SARNP: variants seen among roughly 807,000 people sequenced by gnomAD.
SARNP encodes SAP domain containing ribonucleoprotein, also known as SAP domain-containing ribonucleoprotein.
In SARNP, 5 loss-of-function variants were observed where a neutral mutation model predicts 38.1. The ratio of observed to expected loss-of-function variants is 0.13; its 90% CI spans 0.07 to 0.28. The LOEUF is 0.28. Ranked by LOEUF, SARNP falls within the 10% of genes least tolerant of loss-of-function variation. The probability of loss-of-function intolerance (pLI) is 1.00; values close to 1 mark genes in which losing one functional copy is unlikely to be tolerated. For synonymous variants in SARNP, 84 were observed against 80.6 expected (o/e 1.04, Z -0.23); for missense variants, 180 against 243.9 (o/e 0.74, Z 1.75).
intron 9 of SARNP, 106 bp from the exon 10 acceptor site, chr12:55,760,746 G>A (rs1565669587): frequency 5.5e-6 from 4 of 732,750 alleles, no homozygotes; most frequent in East Asian, 2.5e-5. Context: ...CCAACCCTGT[G>A]CCAAGAACTA....
At chr12:55,782,908 C>T (rs2136190468) in intron 9 of SARNP, among the ~76,000 whole-genome samples, 1 of 152,118 alleles carries the variant, frequency 6.6e-6, no homozygotes, top group East Asian at 1.9e-4. Flanking sequence ...TCCAGGAGTT[C>T]AAGACCAGCC....
intron 1 of SARNP, among the ~76,000 whole-genome samples, chr12:55,804,918 C>G (rs1199469885): frequency 6.6e-6 from 1 of 152,200 alleles, no homozygotes; most frequent in Admixed American, 6.5e-5. Context: ...TGCATCTCTA[C>G]GTTTTTCAGC....
chr12:55,757,655 G>A (rs1315826885), intron 10 of SARNP, 102 bp from the exon 11 acceptor site: 8 of 801,744 alleles, frequency 1.0e-5, no homozygotes, highest in African/African-American at 1.8e-5. Flanking sequence ...CACAAGGCCC[G>A]AGAAGGAAGG....
chr12:55,789,009 G>T, intron 9 of SARNP, 66 bp downstream of exon 9: 1 of 1,044,890 alleles, frequency 9.6e-7, no homozygotes, highest in Non-Finnish European at 1.5e-6. Flanking sequence ...GTCATTTCCA[G>T]CCTATGTAGT....
chr12:55,795,862 A>G (rs1565679964), intron 5 of SARNP, among the ~76,000 whole-genome samples, 163 bp downstream of exon 5: 1 of 152,208 alleles, frequency 6.6e-6, no homozygotes, highest in Non-Finnish European at 1.5e-5. Context: ...CGCCAGCCAA[A>G]TATTTTCCAA....
chr12:55,809,962 G>C (rs1038395291), intron 1 of SARNP, among the ~76,000 whole-genome samples: 1 of 152,160 alleles, frequency 6.6e-6, no homozygotes, highest in Non-Finnish European at 1.5e-5. Flanking sequence ...TTGTGAACTT[G>C]TGCATGATTA....
intron 1 of SARNP, among the ~76,000 whole-genome samples, chr12:55,812,952 A>ATT (rs879651394): frequency 6.8e-6 from 1 of 147,924 alleles, no homozygotes; most frequent in Non-Finnish European, 1.5e-5. Context: ...CGTTTAGCTG[A>ATT]TTTTTTTTTT....
At chr12:55,801,001 C>G in intron 2 of SARNP, 101 bp from the exon 3 acceptor site, 1 of 985,726 alleles carries the variant, frequency 1.0e-6, no homozygotes. Flanking sequence ...CCCAAAAAAT[C>G]CAACAGTGAA....
At chr12:55,778,500 G>A (rs995352600) in intron 9 of SARNP, among the ~76,000 whole-genome samples, 1 of 152,150 alleles carries the variant, frequency 6.6e-6, no homozygotes, top group Non-Finnish European at 1.5e-5. Flanking sequence ...GTTCCATTGG[G>A]AGGGTGGAGA....
chr12:55,803,770 G>A, intron 1 of SARNP, 42 bp from the exon 2 acceptor site: 1 of 1,282,958 alleles, frequency 7.8e-7, no homozygotes, highest in Non-Finnish European at 1.1e-6. Flanking sequence ...TTAACAGGAT[G>A]AACACCAGTG....
At chr12:55,808,633 C>T (rs893234567) in intron 1 of SARNP, among the ~76,000 whole-genome samples, 8 of 151,992 alleles carry the variant, frequency 5.3e-5, no homozygotes, top group African/African-American at 1.7e-4. Flanking sequence ...AGGTAGCACA[C>T]GCCTGTGGTC....
intron 9 of SARNP, among the ~76,000 whole-genome samples, chr12:55,762,182 G>A (rs1878694811): frequency 6.6e-6 from 1 of 152,182 alleles, no homozygotes; most frequent in African/African-American, 2.4e-5. Flanking sequence ...AGCTACTTGG[G>A]AGGCTGAGGC....
Position 55,786,738 on chromosome 12 carries a change from C to T in SARNP, c.501+2337G>A, listed in dbSNP as rs556714436. 6.3e-4 allele frequency among the ~76,000 whole-genome samples: 96 copies of T among 152,226 alleles called. 1 individual carries two copies. The highest frequency in any genetic ancestry group is 2.1e-3 in the African/African-American group (89 of 41,526). On this transcript the variant is annotated intron_variant, in intron 9 of 10. Coordinates refer to ENST00000336133, the MANE Select transcript of SARNP (RefSeq NM_033082.4). ...TGCTGGGATTACAGGAGTGAGCCAC[C>T]GTGCCCAGTCGTGACCTTTGGTTTG... is the stretch of plus-strand genomic sequence containing the variant.
chr12:55,808,062 G>A (rs1313513765), intron 1 of SARNP, among the ~76,000 whole-genome samples: 2 of 152,208 alleles, frequency 1.3e-5, no homozygotes, highest in Admixed American at 6.5e-5. Flanking sequence ...CATTTGTAGT[G>A]AGGCGTGAGC....
intron 9 of SARNP, among the ~76,000 whole-genome samples, chr12:55,785,776 A>G (rs1350242466): frequency 2.0e-5 from 3 of 150,478 alleles, no homozygotes; most frequent in African/African-American, 7.3e-5. Context: ...ACCCTGTCTC[A>G]GACAAAAAAA....
chr12:55,790,533 C>T, intron 8 of SARNP, 34 bp downstream of exon 8: 1 of 1,538,766 alleles, frequency 6.5e-7, no homozygotes, highest in South Asian at 1.3e-5. Context: ...GAATTAAGAT[C>T]TGGGTGTGTA....
At chr12:55,800,652 G>A in intron 3 of SARNP, 23 bp from the exon 4 acceptor site, 1 of 1,571,332 alleles carries the variant, frequency 6.4e-7, no homozygotes, top group Non-Finnish European at 8.7e-7. Flanking sequence ...GAAACAAGGT[G>A]GTTAACATAA....
intron 4 of SARNP, among the ~76,000 whole-genome samples, chr12:55,797,081 C>T (rs1565680360): frequency 6.6e-6 from 1 of 152,204 alleles, no homozygotes; most frequent in Non-Finnish European, 1.5e-5. Flanking sequence ...TGGGTCATAA[C>T]CAGTCTCATT....
At chr12:55,794,312 G>A in intron 7 of SARNP, 47 bp downstream of exon 7, 1 of 1,519,434 alleles carries the variant, frequency 6.6e-7, no homozygotes, top group Non-Finnish European at 9.1e-7. Flanking sequence ...TACCAGAAAA[G>A]AAAGAATAAA....
Sources: allele counts gnomAD v4.1 joint callset (sites outside exome capture counted in the v4.1 genomes callset), GRCh38; gene constraint gnomAD v4.1.1; transcripts MANE v1.5; gene names NCBI Gene and HGNC (gene_info 2026-07-23, HGNC 2026-07-21).